ARHGAP24: variants seen among roughly 807,000 people sequenced by gnomAD.
ARHGAP24 encodes the protein Rho GTPase activating protein 24, also known as rho GTPase-activating protein 24.
A neutral mutation model predicts 76.4 loss-of-function variants in ARHGAP24; 50 were observed. The ratio of observed to expected loss-of-function variants is 0.65; its 90% CI spans 0.52 to 0.83. The LOEUF (loss-of-function observed/expected upper bound fraction) is 0.83. ARHGAP24 is among the 40% of genes least tolerant of loss of function. The probability of loss-of-function intolerance (pLI) is 0.00; values close to 1 mark genes in which losing one functional copy is unlikely to be tolerated. For missense variants in ARHGAP24, 930 were observed against 914.2 expected (o/e 1.02, Z -0.22); for synonymous variants, 345 against 323.3 (o/e 1.07, Z -0.72).
chr4:85,795,592 CTCTT>C (rs1322602719), intron 3 of ARHGAP24, among the ~76,000 whole-genome samples: 1 of 152,054 alleles, frequency 6.6e-6, no homozygotes, highest in African/African-American at 2.4e-5. Flanking sequence ...TGGAACAAGA[CTCTT>C]TATTTGTATG....
intron 2 of ARHGAP24, among the ~76,000 whole-genome samples, chr4:85,625,049 G>C (rs1055547654): frequency 2.6e-4 from 40 of 152,106 alleles, no homozygotes; most frequent in Admixed American, 2.6e-3. Context: ...ATTTTTTGAA[G>C]GGTTTTTTGT....
intron 2 of ARHGAP24, among the ~76,000 whole-genome samples, chr4:85,646,327 T>TCATCATC (rs1482173179): frequency 1.5e-4 from 23 of 152,194 alleles, no homozygotes; most frequent in African/African-American, 5.5e-4. Context: ...ATCATCATTA[T>TCATCATC]AAAGGAATTA....
intron 1 of ARHGAP24, among the ~76,000 whole-genome samples, chr4:85,534,211 A>G (rs545448055): frequency 1.3e-5 from 2 of 152,326 alleles, no homozygotes; most frequent in East Asian, 3.9e-4. Context: ...CCAGTAAGGA[A>G]AGGCAAGTTT....
intron 5 of ARHGAP24, among the ~76,000 whole-genome samples, chr4:85,964,601 G>C (rs1738463387): frequency 6.6e-6 from 1 of 152,008 alleles, no homozygotes. Flanking sequence ...GAAGGGAAAG[G>C]CAAGTAAGGT....
At chr4:85,741,916 C>G (rs558533302) in intron 3 of ARHGAP24, among the ~76,000 whole-genome samples, 1 of 151,786 alleles carries the variant, frequency 6.6e-6, no homozygotes, top group East Asian at 1.9e-4. Context: ...AGTTCAAAGA[C>G]CAAAACCAAA....
chr4:85,763,380 C>T (rs140378354), intron 3 of ARHGAP24, among the ~76,000 whole-genome samples: 1 of 152,080 alleles, frequency 6.6e-6, no homozygotes, highest in African/African-American at 2.4e-5. Flanking sequence ...GTAATAAAAC[C>T]TCTTAGTTTG....
At chr4:85,726,584 G>A (rs1725175860) in intron 3 of ARHGAP24, among the ~76,000 whole-genome samples, 2 of 152,140 alleles carry the variant, frequency 1.3e-5, no homozygotes, top group South Asian at 2.1e-4. Flanking sequence ...AGATAAACTT[G>A]GGTGAAGCTG....
chr4:85,657,840 T>C (rs1237868608), intron 2 of ARHGAP24, among the ~76,000 whole-genome samples: 1 of 152,216 alleles, frequency 6.6e-6, no homozygotes. Flanking sequence ...CTGCAAACTC[T>C]GCCTCCCGGG....
chr4:85,768,813 A>C (rs1727026080), intron 3 of ARHGAP24, among the ~76,000 whole-genome samples: 4 of 152,112 alleles, frequency 2.6e-5, no homozygotes. Context: ...AGATGAGATC[A>C]CTTGTGTAGG....
At chr4:85,801,110 A>C (rs1408831463) in intron 3 of ARHGAP24, among the ~76,000 whole-genome samples, 1 of 152,168 alleles carries the variant, frequency 6.6e-6, no homozygotes, top group African/African-American at 2.4e-5. Flanking sequence ...TAAACTATCT[A>C]TAGTTTTATA....
At chr4:85,508,701 T>A (rs1389794892) in intron 1 of ARHGAP24, among the ~76,000 whole-genome samples, 1 of 152,226 alleles carries the variant, frequency 6.6e-6, no homozygotes, top group Non-Finnish European at 1.5e-5. Context: ...ATCACCTATC[T>A]GCATATCTTA....
Position 85,502,089 on chromosome 4 carries a change from T to A in ARHGAP24, c.-21+26530T>A, listed in dbSNP as rs537861076. 5.9e-5 allele frequency among the ~76,000 whole-genome samples: 9 copies of A among 152,332 alleles called. No individual in the cohort carries two copies. The East Asian group carries it at 1.7e-3, about 29-fold the overall frequency. Reference sequence around the variant, plus strand: ...TCTGTTCCATTGGTCTATATCTCTGTTTTGGTACCAATACCATGCTATTTC... The same window carrying A: ...TCTGTTCCATTGGTCTATATCTCTGATTTGGTACCAATACCATGCTATTTC... On this transcript the variant is annotated intron_variant, in intron 1 of 9. Transcript: ENST00000395184.
chr4:85,994,559 ACTT>A (rs1476367229), intron 8 of ARHGAP24, 21 bp from the exon 9 acceptor site: 1 of 1,606,748 alleles, frequency 6.2e-7, no homozygotes, highest in Non-Finnish European at 8.5e-7. Flanking sequence ...CACTCATGCT[ACTT>A]TATGTTCTAT....
chr4:85,906,638 A>G (rs1390999072), intron 3 of ARHGAP24, among the ~76,000 whole-genome samples: 1 of 152,224 alleles, frequency 6.6e-6, no homozygotes, highest in Non-Finnish European at 1.5e-5. Context: ...TAGTGAAACA[A>G]AAATCACCAT....
intron 3 of ARHGAP24, among the ~76,000 whole-genome samples, chr4:85,757,120 G>A (rs1017039658): frequency 6.6e-5 from 10 of 151,584 alleles, no homozygotes; most frequent in African/African-American, 1.5e-4. Context: ...GGCCATCTCC[G>A]TCTTTACCCA....
chr4:85,638,813 A>G (rs1409617024), intron 2 of ARHGAP24, among the ~76,000 whole-genome samples: 1 of 152,174 alleles, frequency 6.6e-6, no homozygotes, highest in Non-Finnish European at 1.5e-5. Flanking sequence ...TTCCAAGATA[A>G]ATAATTCTCT....
intron 3 of ARHGAP24, among the ~76,000 whole-genome samples, chr4:85,808,136 C>T (rs1728869954): frequency 2.0e-5 from 3 of 151,872 alleles, no homozygotes; most frequent in African/African-American, 7.3e-5. Context: ...TATTTTTCTC[C>T]CAATTCGAAA....
intron 3 of ARHGAP24, among the ~76,000 whole-genome samples, chr4:85,832,074 G>C (rs1046853268): frequency 6.6e-6 from 1 of 152,188 alleles, no homozygotes; most frequent in African/African-American, 2.4e-5. Context: ...AGAGGGGCAG[G>C]CCACATGCAG....
In ARHGAP24 at chr4:85,763,725, G is replaced by GA. The variant is rs574033540; in HGVS notation, c.268+41755dup. Among the ~76,000 whole-genome samples, 51 of 152,084 alleles carry GA rather than the reference G, an allele frequency of 3.4e-4. 1 individual carries two copies. The highest frequency in any genetic ancestry group is 1.2e-3 in the African/African-American group (50 of 41,512). On this transcript the variant is annotated intron_variant, in intron 3 of 9. Coordinates refer to ENST00000395184, the MANE Select transcript of ARHGAP24 (RefSeq NM_001025616.3). ...CATTTATTTCTTTATTTTGAAGAGT[G>GA]AACATGTTTCAAATACTTTACTGAA...
Sources: gnomAD v4.1 joint callset for allele counts (sites outside exome capture counted in the v4.1 genomes callset) on GRCh38, gnomAD v4.1.1 for gene constraint, MANE v1.5 for transcripts, NCBI Gene and HGNC (gene_info 2026-07-23, HGNC 2026-07-21) for gene names.